Variants in RMC1 observed in about 807,000 individuals in gnomAD.
The protein encoded by RMC1 is regulator of MON1-CCZ1 complex.
In RMC1, 44 loss-of-function variants were observed where a neutral mutation model predicts 95.5. The ratio of observed to expected loss-of-function variants is 0.46; its 90% CI spans 0.36 to 0.59. The LOEUF (loss-of-function observed/expected upper bound fraction) is 0.59. Ranked by LOEUF, RMC1 falls within the 20% of genes least tolerant of loss-of-function variation. The pLI, the probability that RMC1 is intolerant of heterozygous loss-of-function variation, is 0.00. For synonymous variants in RMC1, 320 were observed against 303.6 expected (o/e 1.05, Z -0.56); for missense variants, 705 against 819.6 (o/e 0.86, Z 1.71).
rs1213503731 is a variant in RMC1 at position 23,529,308 on chromosome 18, A to C, written c.1416+10A>C. Reference sequence around the variant, plus strand: ...CTTTGTGGAAAAGAAGGTGGGCTGCAGCTTTCCGCCTCTTCTGGACTGAGA... The same window carrying C: ...CTTTGTGGAAAAGAAGGTGGGCTGCCGCTTTCCGCCTCTTCTGGACTGAGA... On this transcript the variant is annotated intron_variant, in intron 15 of 19. Coordinates refer to ENST00000269221, the MANE Select transcript of RMC1 (RefSeq NM_013326.5). The C allele has an allele frequency of 6.2e-7, 1 of 1,603,808 alleles. No individual in the cohort carries two copies. Among genetic ancestry groups the C allele is most frequent in the Non-Finnish European group, 8.5e-7 (1 of 1,177,742 alleles).
At chr18:23,505,680 C>T (rs2057695826) in intron 2 of RMC1, among the ~76,000 whole-genome samples, 1 of 152,098 alleles carries the variant, frequency 6.6e-6, no homozygotes, top group African/African-American at 2.4e-5. Context: ...ATCAGCGAGC[C>T]ATGTGTGGTG....
intron 4 of RMC1, among the ~76,000 whole-genome samples, chr18:23,508,452 C>T (rs371136014): frequency 1.3e-5 from 2 of 152,092 alleles, no homozygotes; most frequent in East Asian, 1.9e-4. Context: ...AATTTGTTGT[C>T]TTTGTCTTGT....
Position 23,510,398 on chromosome 18 carries a change from A to C in RMC1, c.408+1119A>C, listed in dbSNP as rs543241543. Among the ~76,000 whole-genome samples the C allele has an allele frequency of 3.5e-4, 54 of 152,212 alleles. No individual in the cohort carries two copies. In the South Asian group the frequency reaches 8.7e-3, roughly 25 times the overall value. ...TACAGTGGCTCACACCTGTAATCCC[A>C]GCACTTTGGGAGACCGAGGTGGGCA... On this transcript the variant is annotated intron_variant, in intron 5 of 19. Transcript: ENST00000269221.
chr18:23,510,557 G>A (rs984309736), intron 5 of RMC1, among the ~76,000 whole-genome samples: 1 of 152,082 alleles, frequency 6.6e-6, no homozygotes, highest in Non-Finnish European at 1.5e-5. Context: ...TGAGGCCAGG[G>A]AATTGCTTGA....
intron 10 of RMC1, among the ~76,000 whole-genome samples, chr18:23,520,684 G>A (rs2058120327): frequency 6.6e-6 from 1 of 151,930 alleles, no homozygotes. Flanking sequence ...TGCCCAGGCT[G>A]GAGTGCAGTG....
chr18:23,527,950 C>G, intron 14 of RMC1, 49 bp downstream of exon 14: 1 of 1,413,594 alleles, frequency 7.1e-7, no homozygotes, highest in Non-Finnish European at 9.7e-7. Context: ...CACCCCCTCC[C>G]GGGTATTTTC....
intron 5 of RMC1, among the ~76,000 whole-genome samples, chr18:23,512,924 A>G (rs894155536): frequency 1.6e-4 from 25 of 152,028 alleles, no homozygotes; most frequent in African/African-American, 5.8e-4. Context: ...CAGCCCCAGC[A>G]ATCTCTATTT....
At chr18:23,528,447 AG>A (rs2058373626) in intron 14 of RMC1, 1 of 153,680 alleles carries the variant, frequency 6.5e-6, no homozygotes, top group African/African-American at 2.4e-5. Context: ...CCAGAAGAAA[AG>A]TTTAGGACAA....
In RMC1 at chr18:23,503,552, C is replaced by G. The variant is rs2057642782; in HGVS notation, c.-67C>G. On this transcript the variant is annotated 5_prime_UTR_variant, in exon 1 of 20. Transcript: ENST00000269221. Reference sequence around the variant, plus strand: ...CCGCCGCTACAGTCCGGGCCGGGCTCCACCGCGCATCCTGCTCCACTCTGG... The same window carrying G: ...CCGCCGCTACAGTCCGGGCCGGGCTGCACCGCGCATCCTGCTCCACTCTGG... 2.5e-6 allele frequency: 3 copies of G among 1,213,120 alleles called. No homozygotes were observed. The highest frequency in any genetic ancestry group is 1.5e-5 in the South Asian group (1 of 65,036). The allele number at this position is 1,213,120 out of a possible 1,614,324, so 75.1% of individuals were successfully genotyped here.
At chr18:23,530,745 C>T (rs1270839753) in intron 19 of RMC1, 133 bp downstream of exon 19, 3 of 766,346 alleles carry the variant, frequency 3.9e-6, no homozygotes, top group East Asian at 5.4e-5. Context: ...CCACCTAGCC[C>T]TTGGCCCATT....
In RMC1 at chr18:23,531,801, C is replaced by G; in HGVS notation, c.*97C>G. 1 of 1,528,376 alleles carries G rather than the reference C, an allele frequency of 6.5e-7. No individual in the cohort carries two copies. The highest frequency in any genetic ancestry group is 2.3e-5 in the East Asian group (1 of 43,170). The allele number at this position is 1,528,376 out of a possible 1,614,324, so 94.7% of individuals were successfully genotyped here. On this transcript the variant is annotated 3_prime_UTR_variant, in exon 20 of 20. Transcript: ENST00000269221. The stretch of plus-strand genomic sequence containing the variant: ...TATAAAATGTTATAAAGTGTATCTA[C>G]AACCTCAACTGTCACTAAAAATATG...
chr18:23,503,675 G>T lies in RMC1; in HGVS notation c.57G>T (p.Lys19Asn), dbSNP rs758230015. 32 of 1,593,964 alleles carry T rather than the reference G, an allele frequency of 2.0e-5. No homozygotes were observed. The highest frequency in any genetic ancestry group is 2.6e-5 in the Non-Finnish European group (31 of 1,170,674). Residue 19 changes from lysine to asparagine, a missense_variant, in exon 1 of 20, where the codon AAG (lysine) becomes AAT (asparagine). Transcript: ENST00000269221. ...ELCERPVQFE[K>N]ANPVNCVFFD... ...GCGAGCGGCCGGTGCAGTTCGAGAA[G>T]GCGAACCCTGTCAACTGCGTCTTCT...
Position 23,527,872 on chromosome 18 carries a change from T to C in RMC1, c.1267T>C (p.Tyr423His). 6.2e-7 allele frequency: 1 copy of C among 1,614,070 alleles called. No individual in the cohort carries two copies. Among genetic ancestry groups the C allele is most frequent in the Non-Finnish European group, 8.5e-7 (1 of 1,179,978 alleles). ...FDKLNHEYKK[Y>H]LDAEQSYAMA... ...TAAACTCAACCATGAGTATAAAAAG[T>C]ACCTGGATGCCGAGCAGAGTTATGC... Residue 423 changes from tyrosine (Y) to histidine (H), a missense_variant, in exon 14 of 20, where the codon TAC becomes CAC. Coordinates refer to ENST00000269221, the MANE Select transcript of RMC1 (RefSeq NM_013326.5).
chr18:23,530,581 G>C lies in RMC1; in HGVS notation c.1863G>C (p.Gln621His), dbSNP rs772985708. 6.2e-7 allele frequency: 1 copy of C among 1,614,018 alleles called. No homozygotes were observed. Among genetic ancestry groups the C allele is most frequent in the Admixed American group, 1.7e-5 (1 of 60,018 alleles). Residue 621 changes from glutamine (Q) to histidine (H), a missense_variant, in exon 19 of 20, where the codon CAG becomes CAC. By Grantham distance (24) the Gln-to-His change is conservative. Coordinates refer to ENST00000269221, the MANE Select transcript of RMC1 (RefSeq NM_013326.5). ...TCCGCTTTTTTGAACAGCGAAACCA[G>C]CGTTTGCGAGGGAGCCCCAATTTCA... ...TIFRFFEQRN[Q>H]RLRGSPNFTP... is the part of the protein sequence containing the mutation.
intron 10 of RMC1, among the ~76,000 whole-genome samples, chr18:23,523,642 G>GAGCCA (rs1306846109): frequency 2.0e-5 from 3 of 150,330 alleles, no homozygotes; most frequent in Non-Finnish European, 4.4e-5. Context: ...AGGACCACTT[G>GAGCCA]AGCCAAGGAG....
Position 23,521,374 on chromosome 18 carries a change from T to TA in RMC1, c.961+1063dup, listed in dbSNP as rs1478894930. Reference sequence around the variant, plus strand: ...ACGTTTTCTGTTTGCCTTAGCTCTGTAACGCTGAAATTAACTTTGGCTGTA... The same window carrying TA: ...ACGTTTTCTGTTTGCCTTAGCTCTGTAAACGCTGAAATTAACTTTGGCTGTA... On this transcript the variant is annotated intron_variant, in intron 10 of 19. Transcript: ENST00000269221. Among the ~76,000 whole-genome samples, 9 of 152,382 alleles carry TA rather than the reference T, an allele frequency of 5.9e-5. No homozygotes were observed. In the East Asian group the frequency reaches 1.7e-3, roughly 29 times the overall value.
At chr18:23,525,505 A>T (rs943768280) in intron 12 of RMC1, among the ~76,000 whole-genome samples, 7 of 151,018 alleles carry the variant, frequency 4.6e-5, no homozygotes, top group African/African-American at 1.7e-4. Flanking sequence ...GCTCACTGCA[A>T]CCTCCAACTC....
chr18:23,528,348 C>G (rs1389117842), intron 14 of RMC1: 1 of 157,878 alleles, frequency 6.3e-6, no homozygotes, highest in Non-Finnish European at 1.4e-5. Context: ...AGTGTTAGCA[C>G]TTAGCAGGCG....
chr18:23,506,994 G>C lies in RMC1; in HGVS notation c.204G>C (p.Lys68Asn), dbSNP rs1310179271. 6.2e-7 allele frequency: 1 copy of C among 1,608,830 alleles called. No individual in the cohort carries two copies. Among genetic ancestry groups the C allele is most frequent in the Non-Finnish European group, 8.5e-7 (1 of 1,177,410 alleles). The change falls in exon 3 of 20, where the codon AAG becomes AAC. Residue 68 changes from lysine (K) to asparagine (N), a missense_variant. Lys to Asn is a moderately conservative substitution (Grantham distance 94, BLOSUM62 0). Transcript: ENST00000269221. ...GAATGGATGACAAAGGAGAAGTGAA[G>C]TGCATTAAGTTTTCCTTAGAAAATA... ...SFRMDDKGEV[K>N]CIKFSLENKI... is the part of the protein sequence containing the mutation.
Sources: gnomAD v4.1 joint callset for allele counts (sites outside exome capture counted in the v4.1 genomes callset) on GRCh38, gnomAD v4.1.1 for gene constraint, MANE v1.5 for transcripts, NCBI Gene and HGNC (gene_info 2026-07-23, HGNC 2026-07-21) for gene names.